Variants in CUEDC1 observed in about 807,000 individuals in gnomAD.
CUEDC1 encodes CUE domain-containing protein 1.
Under a neutral mutation model 43.7 loss-of-function variants are expected in CUEDC1, and 30 were observed. The ratio of observed to expected loss-of-function variants is 0.69; its 90% CI spans 0.51 to 0.93. The LOEUF is 0.93. CUEDC1 is among the 40% of genes least tolerant of loss of function. The probability of loss-of-function intolerance (pLI) is 0.00; values close to 1 mark genes in which losing one functional copy is unlikely to be tolerated. For missense variants in CUEDC1, 486 were observed against 549.0 expected, an observed-to-expected ratio of 0.89 and a Z score of 1.15; for synonymous variants, 223 against 223.6, an observed-to-expected ratio of 1.00 and a Z score of 0.02.
At chr17:57,913,336 A>G (rs1349872919) in intron 1 of CUEDC1, among the ~76,000 whole-genome samples, 1 of 151,942 alleles carries the variant, frequency 6.6e-6, no homozygotes, top group Admixed American at 6.6e-5. Flanking sequence ...CTCAAAAAAA[A>G]AAAAAGGAAA....
intron 1 of CUEDC1, among the ~76,000 whole-genome samples, chr17:57,948,645 G>A (rs1276318830): frequency 6.6e-6 from 1 of 152,192 alleles, no homozygotes; most frequent in African/African-American, 2.4e-5. Flanking sequence ...GTCTCCAGAT[G>A]AAACCTCTTA....
At chr17:57,898,653 C>T (rs1399614902) in intron 1 of CUEDC1, among the ~76,000 whole-genome samples, 1 of 152,190 alleles carries the variant, frequency 6.6e-6, no homozygotes, top group Non-Finnish European at 1.5e-5. Context: ...GCCATTCACA[C>T]CCCAAGGCCA....
At chr17:57,919,807 A>G (rs988199809) in intron 1 of CUEDC1, among the ~76,000 whole-genome samples, 3 of 152,196 alleles carry the variant, frequency 2.0e-5, no homozygotes, top group Admixed American at 6.5e-5. Flanking sequence ...TACAAGATAT[A>G]TTCAAAATCC....
Position 57,954,103 on chromosome 17 carries a change from C to T in CUEDC1, c.-316+1122G>A, listed in dbSNP as rs2075032677. 6.6e-6 allele frequency among the ~76,000 whole-genome samples: 1 copy of T among 152,222 alleles called. No homozygotes were observed. Among genetic ancestry groups the T allele is most frequent in the African/African-American group, 2.4e-5 (1 of 41,462 alleles). On this transcript the variant is annotated intron_variant, in intron 1 of 10. Coordinates refer to ENST00000577830, the MANE Select transcript of CUEDC1 (RefSeq NM_001271875.2). The surrounding 1 kb of genome is among the most constrained non-coding windows in gnomAD (Gnocchi z 4.3). ...TGGGGTCCCTCACCTCCTTCAGGCA[C>T]AGCTGGCTATAAAGAAAAGGGGTGA...
Position 57,954,027 on chromosome 17 carries a change from C to T in CUEDC1, c.-316+1198G>A, listed in dbSNP as rs2075031546. On this transcript the variant is annotated intron_variant, in intron 1 of 10. Transcript: ENST00000577830. This position sits in a 1 kb window ranked among gnomAD's most constrained non-coding sequence, Gnocchi z 4.3. ...AGAGGACCCAGCTTCACACTTGATC[C>T]AGCAGGGGCCCAACCACATGGTGAG... Among the ~76,000 whole-genome samples the T allele has an allele frequency of 6.6e-6, 1 of 152,218 alleles. No individual in the cohort carries two copies. Among genetic ancestry groups the T allele is most frequent in the Non-Finnish European group, 1.5e-5 (1 of 68,044 alleles).
intron 1 of CUEDC1, among the ~76,000 whole-genome samples, chr17:57,907,421 T>G (rs2074540323): frequency 6.6e-6 from 1 of 151,884 alleles, no homozygotes; most frequent in Admixed American, 6.6e-5. Context: ...GGCTGGATCA[T>G]TCACTCCACA....
At position 57,954,261 on chromosome 17, in the gene CUEDC1, GTCT is replaced by G. The variant is rs2075034605; in HGVS notation, c.-316+961_-316+963del. Among the ~76,000 whole-genome samples, 1 of 152,108 alleles carries G rather than the reference GTCT, an allele frequency of 6.6e-6. No homozygotes were observed. The highest frequency in any genetic ancestry group is 6.6e-5 in the Admixed American group (1 of 15,262). On this transcript the variant is annotated intron_variant, in intron 1 of 10. Transcript: ENST00000577830. This position sits in a 1 kb window ranked among gnomAD's most constrained non-coding sequence, Gnocchi z 4.3. ...GATCAGGTGGGGAGCACGGTGGATGGTCTTCTTGTATCCTCTATCGCCTCCAGG... is the reference window on the plus strand; with the variant it reads ...GATCAGGTGGGGAGCACGGTGGATGGTCTTGTATCCTCTATCGCCTCCAGG...
chr17:57,886,295 G>A (rs2074289762), intron 1 of CUEDC1, among the ~76,000 whole-genome samples: 1 of 152,186 alleles, frequency 6.6e-6, no homozygotes, highest in Non-Finnish European at 1.5e-5. Context: ...AAAGACCCCT[G>A]AAGACCTGAG....
At position 57,898,791 on chromosome 17, in the gene CUEDC1, G is replaced by A. The variant is rs549106190; in HGVS notation, c.-315-12912C>T. ...GGACCTCCAGGACCTCAGGCTGAGAGGGCTCAGGGACCCCAAGGGAGGAGC... is the reference window on the plus strand; with the variant it reads ...GGACCTCCAGGACCTCAGGCTGAGAAGGCTCAGGGACCCCAAGGGAGGAGC... On this transcript the variant is annotated intron_variant, in intron 1 of 10. Transcript: ENST00000577830. 5.3e-5 allele frequency among the ~76,000 whole-genome samples: 8 copies of A among 152,334 alleles called. No individual in the cohort carries two copies. The East Asian group carries it at 1.3e-3, about 26-fold the overall frequency.
At chr17:57,869,065 C>G in intron 7 of CUEDC1, 57 bp downstream of exon 7, 1 of 1,579,934 alleles carries the variant, frequency 6.3e-7, no homozygotes, top group African/African-American at 1.3e-5. Flanking sequence ...TCCTGGGAGG[C>G]CACAGGGCCT....
At chr17:57,876,264 C>T (rs2074124728) in intron 3 of CUEDC1, among the ~76,000 whole-genome samples, 1 of 152,098 alleles carries the variant, frequency 6.6e-6, no homozygotes, top group Non-Finnish European at 1.5e-5. Flanking sequence ...CCTTTCCAGC[C>T]TCACCCGCCG....
At chr17:57,871,556 C>G (rs570239181) in intron 5 of CUEDC1, among the ~76,000 whole-genome samples, 187 bp from the exon 6 acceptor site, 1 of 152,302 alleles carries the variant, frequency 6.6e-6, no homozygotes, top group Admixed American at 6.5e-5. Context: ...AAGAAACTAC[C>G]GCCTGACAGC....
At chr17:57,867,282 G>C (rs2073972678) in intron 9 of CUEDC1, 75 bp downstream of exon 9, 1 of 1,436,114 alleles carries the variant, frequency 7.0e-7, no homozygotes, top group East Asian at 2.5e-5. Flanking sequence ...GTGCTCCCAT[G>C]AAACACCCAG....
chr17:57,929,276 C>T (rs1400907696), intron 1 of CUEDC1, among the ~76,000 whole-genome samples: 1 of 152,146 alleles, frequency 6.6e-6, no homozygotes, highest in African/African-American at 2.4e-5. Flanking sequence ...ATTATCATCT[C>T]CAATTTAGAG....
intron 1 of CUEDC1, among the ~76,000 whole-genome samples, chr17:57,887,963 T>A (rs2144974589): frequency 6.8e-6 from 1 of 147,420 alleles, no homozygotes; most frequent in East Asian, 2.0e-4. Flanking sequence ...TGCAGTGGCG[T>A]GATCTTGGCT....
intron 9 of CUEDC1, chr17:57,866,960 C>A (rs1054695327): frequency 8.5e-6 from 3 of 354,290 alleles, no homozygotes; most frequent in Non-Finnish European, 1.6e-5. Context: ...GCCCACGTGG[C>A]CTTTGGAAGG....
intron 1 of CUEDC1, among the ~76,000 whole-genome samples, chr17:57,891,388 C>G (rs2074353476): frequency 6.6e-6 from 1 of 152,234 alleles, no homozygotes; most frequent in African/African-American, 2.4e-5. Flanking sequence ...AGCCTGTCTT[C>G]CCCGTCTTCC....
chr17:57,914,308 C>T (rs1476293591), intron 1 of CUEDC1, among the ~76,000 whole-genome samples: 1 of 152,166 alleles, frequency 6.6e-6, no homozygotes, highest in Non-Finnish European at 1.5e-5. Flanking sequence ...AAGCCTGAGA[C>T]ACAGGGGGTA....
At chr17:57,937,503 C>A (rs1472302459) in intron 1 of CUEDC1, among the ~76,000 whole-genome samples, 1 of 151,536 alleles carries the variant, frequency 6.6e-6, no homozygotes, top group African/African-American at 2.4e-5. Flanking sequence ...CCCAGCTACT[C>A]AGGAGGCTGA....
Sources: allele counts gnomAD v4.1 joint callset (sites outside exome capture counted in the v4.1 genomes callset), GRCh38; gene constraint gnomAD v4.1.1; non-coding constraint Gnocchi (gnomAD v3.1); transcripts MANE v1.5; gene names NCBI Gene and HGNC (gene_info 2026-07-23, HGNC 2026-07-21).